The following SPRED1 variants were observed in gnomAD, a reference collection of about 807,000 sequenced individuals.
The protein encoded by SPRED1 is sprouty related EVH1 domain containing 1, also known as sprouty-related, EVH1 domain-containing protein 1.
A neutral mutation model predicts 52.3 loss-of-function variants in SPRED1; 18 were observed. The observed-to-expected ratio is 0.34, with a 90% CI of 0.24 to 0.51. The LOEUF (loss-of-function observed/expected upper bound fraction) is 0.51, where lower values mean the gene tolerates loss of function less well. SPRED1 is among the 20% of genes least tolerant of loss of function. The pLI, the probability that SPRED1 is intolerant of heterozygous loss-of-function variation, is 0.97. For missense variants in SPRED1, 485 were observed against 551.0 expected, an observed-to-expected ratio of 0.88 and a Z score of 1.20; for synonymous variants, 155 against 179.7, an observed-to-expected ratio of 0.86 and a Z score of 1.10.
chr15:38,268,948 T>C (rs1433113018), intron 1 of SPRED1, among the ~76,000 whole-genome samples: 1 of 150,722 alleles, frequency 6.6e-6, no homozygotes, highest in African/African-American at 2.4e-5. Context: ...TTCTTTTTTT[T>C]TTTTTTTTTT....
At chr15:38,277,470 G>GCT (rs1334041458) in intron 1 of SPRED1, among the ~76,000 whole-genome samples, 1 of 152,156 alleles carries the variant, frequency 6.6e-6, no homozygotes, top group Non-Finnish European at 1.5e-5. Context: ...TTATGGCTGT[G>GCT]TAGTATTCCA....
At chr15:38,321,926 A>G (rs879674988) in intron 2 of SPRED1, among the ~76,000 whole-genome samples, 1 of 152,108 alleles carries the variant, frequency 6.6e-6, no homozygotes. Flanking sequence ...AATTTCTATT[A>G]TTACCAACCC....
In SPRED1 at chr15:38,319,127, GT is replaced by G. The variant is rs1351938121; in HGVS notation, c.208-3109del. ...TATATTAAAAAACTAGAATCAAACT[GT>G]TTTTATGTCTTCCCCTTTTTAACAA... On this transcript the variant is annotated intron_variant, in intron 2 of 6. Transcript: ENST00000299084. Among the ~76,000 whole-genome samples, 14 of 152,150 alleles carry G rather than the reference GT, an allele frequency of 9.2e-5. No individual in the cohort carries two copies. The East Asian group carries it at 2.7e-3, about 29-fold the overall frequency.
At chr15:38,328,376 C>T (rs1472367558) in intron 4 of SPRED1, among the ~76,000 whole-genome samples, 1 of 152,150 alleles carries the variant, frequency 6.6e-6, no homozygotes, top group African/African-American at 2.4e-5. Flanking sequence ...CCAATAACTG[C>T]TAGACATTTC....
At chr15:38,265,961 A>G (rs1472047120) in intron 1 of SPRED1, among the ~76,000 whole-genome samples, 5 of 152,216 alleles carry the variant, frequency 3.3e-5, no homozygotes, top group Non-Finnish European at 5.9e-5. Context: ...TCTGCCAGCT[A>G]GAAATTCATT....
Position 38,339,766 on chromosome 15 carries a change from A to C in SPRED1, c.453A>C (p.Leu151=), listed in dbSNP as rs1895993045. The change falls in exon 5 of 7, where the codon CTA becomes CTC. Residue 151 remains leucine (L), a synonymous_variant. Transcript: ENST00000299084. ...ATGAAGAGGATTCTTCCAGTTCTCTAGTGAAGGATCACCTTTTTCAGCAAG... is the reference window on the plus strand; with the variant it reads ...ATGAAGAGGATTCTTCCAGTTCTCTCGTGAAGGATCACCTTTTTCAGCAAG... ...QANEEDSSSS[L]VKDHLFQQET... 6.2e-7 allele frequency: 1 copy of C among 1,613,958 alleles called. No individual in the cohort carries two copies. Among genetic ancestry groups the C allele is most frequent in the African/African-American group, 1.3e-5 (1 of 75,044 alleles).
chr15:38,297,105 T>C (rs1347550510), intron 1 of SPRED1, among the ~76,000 whole-genome samples: 1 of 152,174 alleles, frequency 6.6e-6, no homozygotes, highest in East Asian at 1.9e-4. Context: ...CTCTGGACTT[T>C]CAAGCCTCTA....
chr15:38,253,195 G>A lies in SPRED1; in HGVS notation c.10G>A (p.Glu4Lys), dbSNP rs1894017718. 3.2e-6 allele frequency: 5 copies of A among 1,581,166 alleles called. No individual in the cohort carries two copies. The highest frequency in any genetic ancestry group is 1.2e-5 in the South Asian group (1 of 86,524). The change falls in exon 1 of 7, where the codon GAG becomes AAG. Residue 4 changes from glutamate to lysine, a missense_variant. Glu to Lys is a moderately conservative substitution (Grantham distance 56, BLOSUM62 1). Around this residue, in one of 5 missense-constraint regions of SPRED1, gnomAD observed 34 missense variants for 25.8 expected, o/e 1.32. Coordinates refer to ENST00000299084, the MANE Select transcript of SPRED1 (RefSeq NM_152594.3). Reference protein sequence around the residue: MSEETATSDNDNSY... With the variant: MSEKTATSDNDNSY... The stretch of plus-strand genomic sequence containing the variant: ...TCACGGTGAGGGAAAGATGAGCGAG[G>A]AGACGGCGACTTCTGACAACGAGTA...
intron 1 of SPRED1, among the ~76,000 whole-genome samples, 166 bp downstream of exon 1, chr15:38,253,383 C>G (rs1345972014): frequency 2.0e-5 from 3 of 152,092 alleles, no homozygotes; most frequent in Non-Finnish European, 4.4e-5. Context: ...GTGGCAGCAC[C>G]CCTCCCCATC....
chr15:38,286,516 C>T (rs1458367975), intron 1 of SPRED1, among the ~76,000 whole-genome samples: 4 of 144,426 alleles, frequency 2.8e-5, no homozygotes, highest in Admixed American at 7.2e-5. Context: ...ATCTTTTTCA[C>T]CATCTCCTCT....
chr15:38,324,982 A>C (rs1357447869), intron 4 of SPRED1, among the ~76,000 whole-genome samples, 173 bp downstream of exon 4: 1 of 152,190 alleles, frequency 6.6e-6, no homozygotes, highest in Non-Finnish European at 1.5e-5. Flanking sequence ...GAAAATTTAA[A>C]ATCTGAAATG....
At chr15:38,324,373 C>CT (rs1595747881) in intron 3 of SPRED1, among the ~76,000 whole-genome samples, 1 of 152,158 alleles carries the variant, frequency 6.6e-6, no homozygotes, top group South Asian at 2.1e-4. Flanking sequence ...GTTATGGGTA[C>CT]TAAATACTGT....
At chr15:38,261,570 TTTG>T (rs1894206595) in intron 1 of SPRED1, among the ~76,000 whole-genome samples, 2 of 152,278 alleles carry the variant, frequency 1.3e-5, no homozygotes, top group South Asian at 4.1e-4. Flanking sequence ...TGTTTTTGTT[TTTG>T]TTTTTTTAAT....
intron 2 of SPRED1, among the ~76,000 whole-genome samples, chr15:38,313,442 C>G (rs1895409066): frequency 6.6e-6 from 1 of 151,828 alleles, no homozygotes; most frequent in South Asian, 2.1e-4. Flanking sequence ...ATTATTCATC[C>G]TTGCCCAGAA....
intron 4 of SPRED1, among the ~76,000 whole-genome samples, chr15:38,325,451 T>G (rs1412520586): frequency 7.9e-6 from 1 of 127,312 alleles, no homozygotes; most frequent in African/African-American, 2.6e-5. Context: ...GTTTCTGGGG[T>G]TTTTTTTTTC....
At chr15:38,343,333 A>C (rs1182638864) in intron 5 of SPRED1, among the ~76,000 whole-genome samples, 1 of 152,120 alleles carries the variant, frequency 6.6e-6, no homozygotes, top group Admixed American at 6.6e-5. Flanking sequence ...CAAGAAATGA[A>C]TATGGTCATA....
In SPRED1 at chr15:38,316,748, G is replaced by GGTTTTTTTTTTTTTTTTTTTTTTTTTTT; in HGVS notation, c.208-5493_208-5492insGTTTTTTTTTTTTTTTTTTTTTTTTTTT. Among the ~76,000 whole-genome samples the GGTTTTTTTTTTTTTTTTTTTTTTTTTTT allele has an allele frequency of 2.1e-4, 9 of 41,906 alleles. 1 individual carries two copies. Among genetic ancestry groups the GGTTTTTTTTTTTTTTTTTTTTTTTTTTT allele is most frequent in the Non-Finnish European group, 2.7e-4 (6 of 22,542 alleles). 27.5% of individuals were successfully genotyped at this position (41,906 alleles called of 152,430 possible). ...TCTAGTTTACAATTTTCCATTATAT[G>GGTTTTTTTTTTTTTTTTTTTTTTTTTTT]TTTTTTTTTTTTTTTTTTTTTTTTG... On this transcript the variant is annotated intron_variant, in intron 2 of 6. Coordinates refer to ENST00000299084, the MANE Select transcript of SPRED1 (RefSeq NM_152594.3).
rs569885836 is a variant in SPRED1 at position 38,344,403 on chromosome 15, A to G, written c.582+4508A>G. ...AAATTTAAAGGTCTTCTTTTGATTG[A>G]TGGGGAAAAAGAACTGAACTCTTCT... is the stretch of plus-strand genomic sequence containing the variant. On this transcript the variant is annotated intron_variant, in intron 5 of 6. Transcript: ENST00000299084. Among the ~76,000 whole-genome samples, 8 of 152,276 alleles carry G rather than the reference A, an allele frequency of 5.3e-5. No homozygotes were observed. The South Asian group carries it at 6.2e-4, about 12-fold the overall frequency.
intron 1 of SPRED1, among the ~76,000 whole-genome samples, chr15:38,275,222 C>T (rs994403256): frequency 6.6e-6 from 1 of 152,114 alleles, no homozygotes. Context: ...TAATCCATCA[C>T]TGTCATCATT....
Sources: gnomAD v4.1 joint callset for allele counts (sites outside exome capture counted in the v4.1 genomes callset) on GRCh38, gnomAD v4.1.1 for gene constraint, gnomAD v4.1.1 regional missense constraint, MANE v1.5 for transcripts, NCBI Gene and HGNC (gene_info 2026-07-23, HGNC 2026-07-21) for gene names.